Variants in SYNE2 observed in about 807,000 individuals in gnomAD.
SYNE2 encodes the protein spectrin repeat containing nuclear envelope protein 2.
In SYNE2, 431 loss-of-function variants were observed where a neutral mutation model predicts 856.3. The observed-to-expected ratio is 0.50, with a 90% confidence interval of 0.47 to 0.55. SYNE2 has a LOEUF of 0.55. Ranked by LOEUF, SYNE2 falls within the 20% of genes least tolerant of loss-of-function variation. The probability of loss-of-function intolerance (pLI) is 0.00; values close to 1 mark genes in which losing one functional copy is unlikely to be tolerated. For synonymous variants in SYNE2, 2,923 were observed against 2,872.3 expected, an observed-to-expected ratio of 1.02 and a Z score of -0.56; for missense variants, 8,129 against 8,023.2, an observed-to-expected ratio of 1.01 and a Z score of -0.50.
At chr14:64,045,853 T>G (rs2097182374) in intron 45 of SYNE2, among the ~76,000 whole-genome samples, 1 of 152,150 alleles carries the variant, frequency 6.6e-6, no homozygotes, top group South Asian at 2.1e-4. Flanking sequence ...TTAGAATAGT[T>G]TTACAGTTAC....
intron 52 of SYNE2, among the ~76,000 whole-genome samples, chr14:64,073,584 A>G (rs2097430696): frequency 6.6e-6 from 1 of 152,212 alleles, no homozygotes; most frequent in South Asian, 2.1e-4. Flanking sequence ...AAAATGGGTC[A>G]GCTTAAGAGA....
intron 1 of SYNE2, among the ~76,000 whole-genome samples, chr14:63,821,295 A>C (rs906225665): frequency 6.6e-6 from 1 of 152,308 alleles, no homozygotes; most frequent in Admixed American, 6.5e-5. Context: ...AGTTAATTTC[A>C]CCTGCTTCTT....
At chr14:64,123,011 A>G (rs2097909978) in intron 70 of SYNE2, among the ~76,000 whole-genome samples, 1 of 151,144 alleles carries the variant, frequency 6.6e-6, no homozygotes, top group South Asian at 2.1e-4. Flanking sequence ...AGGCAGGAGA[A>G]TTGCTTGAAC....
intron 65 of SYNE2, among the ~76,000 whole-genome samples, chr14:64,111,266 G>A (rs1174493953): frequency 6.6e-6 from 1 of 150,482 alleles, no homozygotes; most frequent in African/African-American, 2.5e-5. Context: ...AATAATGAAG[G>A]CAGGTGGTAA....
chr14:63,984,412 G>C (rs1343983171), intron 18 of SYNE2, among the ~76,000 whole-genome samples: 1 of 152,196 alleles, frequency 6.6e-6, no homozygotes, highest in Admixed American at 6.5e-5. Flanking sequence ...CAGACACACA[G>C]AGCAGTCCTG....
intron 45 of SYNE2, among the ~76,000 whole-genome samples, chr14:64,037,725 G>A (rs61984118): frequency 1.4e-4 from 2 of 13,984 alleles, no homozygotes; most frequent in African/African-American, 2.5e-4. Flanking sequence ...GAGGCGCCCC[G>A]CACCTCCCTC....
intron 58 of SYNE2, among the ~76,000 whole-genome samples, chr14:64,089,373 A>AG (rs2097588735): frequency 7.5e-6 from 1 of 133,164 alleles, no homozygotes; most frequent in Non-Finnish European, 1.6e-5. Flanking sequence ...TCTCAGGAAA[A>AG]AAAAAAAAAA....
At chr14:64,166,882 G>A (rs1049623664) in intron 90 of SYNE2, 8 of 300,372 alleles carry the variant, frequency 2.7e-5, no homozygotes, top group Middle Eastern at 1.2e-3. Context: ...GCAGTGAGCC[G>A]AGATCATGAT....
intron 45 of SYNE2, among the ~76,000 whole-genome samples, chr14:64,036,166 CAA>C (rs1342464730): frequency 6.6e-6 from 1 of 150,578 alleles, no homozygotes; most frequent in East Asian, 1.9e-4. Flanking sequence ...GCATTTGTTT[CAA>C]AGTTTCTTTT....
At chr14:64,084,694 A>G (rs1249234776) in intron 57 of SYNE2, 8 of 401,342 alleles carry the variant, frequency 2.0e-5, no homozygotes, top group Admixed American at 1.6e-4. Context: ...TTTGAGCTAT[A>G]TATTAGCTAT....
At chr14:63,814,784 ATAT>A (rs1888815687) in intron 1 of SYNE2, among the ~76,000 whole-genome samples, 1 of 120,700 alleles carries the variant, frequency 8.3e-6, no homozygotes, top group Non-Finnish European at 1.7e-5. Context: ...ATATCCATAT[ATAT>A]CCATATATAT....
intron 1 of SYNE2, among the ~76,000 whole-genome samples, chr14:63,894,890 G>A (rs941183785): frequency 2.6e-5 from 4 of 152,094 alleles, no homozygotes; most frequent in African/African-American, 4.8e-5. Flanking sequence ...GGTGATACAC[G>A]TTTAGTTCAA....
In SYNE2 at chr14:64,051,665, A is replaced by G; in HGVS notation, c.7752A>G (p.Leu2584=). 1 of 1,614,252 alleles carries G rather than the reference A, an allele frequency of 6.2e-7. No homozygotes were observed. ...ACTTGAAAATCAAATGGGAGAATTT[A>G]TCAAACCACGTGACTGACATGGATA... ...LGNLKIKWEN[L]SNHVTDMDKK... is the part of the protein sequence containing the mutation. Residue 2584 remains leucine, a synonymous_variant, in exon 48 of 116, where the codon TTA becomes TTG. Transcript: ENST00000555002.
Position 64,025,339 on chromosome 14 carries a change from TA to T in SYNE2, c.6174del (p.Glu2059ArgfsTer9). On this transcript the variant is annotated frameshift_variant, in exon 41 of 116. Transcript: ENST00000555002. LOFTEE classifies it high-confidence loss of function. ...NDLAHDVIHW[I>X]KEIKESLMVL... ...CTTGCACATGATGTAATTCATTGGATAAAAGAGATTAAAGAGTCCCTTATGG... is the reference window on the plus strand; with the variant it reads ...CTTGCACATGATGTAATTCATTGGATAAAGAGATTAAAGAGTCCCTTATGG... The T allele has an allele frequency of 6.2e-7, 1 of 1,614,040 alleles. No individual in the cohort carries two copies. Among genetic ancestry groups the T allele is most frequent in the South Asian group, 1.1e-5 (1 of 91,078 alleles).
intron 9 of SYNE2, 136 bp downstream of exon 9, chr14:63,961,761 T>C (rs1225339376): frequency 4.2e-6 from 3 of 709,076 alleles, no homozygotes; most frequent in African/African-American, 3.5e-5. Flanking sequence ...TAAATCATAC[T>C]TCAATCATGA....
In SYNE2 at chr14:64,001,813, A is replaced by T. The variant is rs563428011; in HGVS notation, c.3639-121A>T. The T allele has an allele frequency of 1.2e-5, 13 of 1,096,388 alleles. No individual in the cohort carries two copies. The South Asian group carries it at 1.6e-4, about 14-fold the overall frequency. The allele number at this position is 1,096,388 out of a possible 1,614,324, so 67.9% of individuals were successfully genotyped here. A position where few individuals can be genotyped will look rare whatever the true frequency, so the allele number is the denominator to read the frequency against. ...ATGTGATAATGTGTATGTATATATC[A>T]TTGTATGTCTGTTTATTGGATAATT... On this transcript the variant is annotated intron_variant, in intron 28 of 115. Transcript: ENST00000555002.
In SYNE2 at chr14:64,068,898, C is replaced by T. The variant is rs58563582; in HGVS notation, c.10432-1747C>T. Among the ~76,000 whole-genome samples the T allele has an allele frequency of 5.3e-3, 801 of 151,212 alleles. 9 individuals carry two copies. The highest frequency in any genetic ancestry group is 0.019 in the African/African-American group (783 of 41,002). ...AAAAAAAAAAAAGAGATTGTTCTCC[C>T]TCTTGTATTCCCCCTTCTCAATCAC... On this transcript the variant is annotated intron_variant, in intron 51 of 115. Coordinates refer to ENST00000555002, the MANE Select transcript of SYNE2 (RefSeq NM_182914.3).
Position 64,134,198 on chromosome 14 carries a change from C to T in SYNE2, c.14644C>T (p.Gln4882Ter), listed in dbSNP as rs1555503635. 6.2e-7 allele frequency: 1 copy of T among 1,613,932 alleles called. No homozygotes were observed. The highest frequency in any genetic ancestry group is 8.5e-7 in the Non-Finnish European group (1 of 1,179,920). The change falls in exon 78 of 116, where the codon CAG (glutamine) becomes TAG (stop). Residue 4882 changes from glutamine to a stop codon, truncating the protein, a stop_gained and splice_region_variant. Transcript: ENST00000555002. LOFTEE classifies it high-confidence loss of function. ...ERLVERISFY[Q>*]QIKRNIGGKH... ...ATTAGTGGAAAGGATTTCATTTTACCAGGTATTTGTCTTCCATTTAAGTTA... is the reference window on the plus strand; with the variant it reads ...ATTAGTGGAAAGGATTTCATTTTACTAGGTATTTGTCTTCCATTTAAGTTA...
rs752789740 is a variant in SYNE2 at position 64,029,925 on chromosome 14, C to T, written c.6745C>T (p.Arg2249Ter). The T allele has an allele frequency of 2.5e-6, 4 of 1,613,884 alleles. No individual in the cohort carries two copies. Among genetic ancestry groups the T allele is most frequent in the East Asian group, 2.2e-5 (1 of 44,872 alleles). Reference protein sequence around the residue: ...DSVQNLDGHVREHDSYQVCVT... With the variant: ...DSVQNLDGHV Reference sequence around the variant, plus strand: ...TGTGCAAAACTTGGACGGTCACGTTCGAGAACATGATTCATACCAGGTTTG... The same window carrying T: ...TGTGCAAAACTTGGACGGTCACGTTTGAGAACATGATTCATACCAGGTTTG... The change falls in exon 44 of 116, where the codon CGA becomes TGA. Residue 2249 changes from arginine (R) to a stop codon, truncating the protein, a stop_gained. Transcript: ENST00000555002. LOFTEE classifies it high-confidence loss of function.
Sources: allele counts gnomAD v4.1 joint callset (sites outside exome capture counted in the v4.1 genomes callset), GRCh38; gene constraint gnomAD v4.1.1; transcripts MANE v1.5; gene names NCBI Gene and HGNC (gene_info 2026-07-23, HGNC 2026-07-21).